Variants in JMJD1C observed in about 807,000 individuals in gnomAD.
JMJD1C encodes jumonji domain-containing protein 1C.
A neutral mutation model predicts 245.3 loss-of-function variants in JMJD1C; 31 were observed. The observed-to-expected ratio is 0.13, with a 90% CI of 0.09 to 0.17. The LOEUF is 0.17. JMJD1C is among the 10% of genes least tolerant of loss of function. The pLI, the probability that JMJD1C is intolerant of heterozygous loss-of-function variation, is 1.00. For synonymous variants in JMJD1C, 1,057 were observed against 1,017.4 expected (o/e 1.04, Z -0.74); for missense variants, 2,691 against 3,000.2 (o/e 0.90, Z 2.41).
intron 1 of JMJD1C, among the ~76,000 whole-genome samples, chr10:63,390,113 TAAAC>T (rs1194755261): frequency 3.3e-5 from 5 of 151,800 alleles, no homozygotes; most frequent in African/African-American, 1.2e-4. Flanking sequence ...TTTGAAGAGA[TAAAC>T]AAAATCAATT....
intron 2 of JMJD1C, among the ~76,000 whole-genome samples, chr10:63,305,454 C>G (rs1037214741): frequency 9.2e-5 from 10 of 108,180 alleles, no homozygotes; most frequent in Non-Finnish European, 1.4e-4. Context: ...GCAAGACGCT[C>G]TGACCCTCTC....
At chr10:63,409,273 C>T (rs1432203184) in intron 1 of JMJD1C, among the ~76,000 whole-genome samples, 1 of 152,158 alleles carries the variant, frequency 6.6e-6, no homozygotes, top group Non-Finnish European at 1.5e-5. Flanking sequence ...AGGGATGGAA[C>T]TGGCAACCAA....
intron 2 of JMJD1C, among the ~76,000 whole-genome samples, chr10:63,311,272 G>A (rs756785051): frequency 5.3e-5 from 8 of 151,504 alleles, no homozygotes; most frequent in South Asian, 4.2e-4. Context: ...CCAGCTACTC[G>A]GGAGACTGAG....
At chr10:63,443,938 T>C (rs941900638) in intron 1 of JMJD1C, among the ~76,000 whole-genome samples, 1 of 152,178 alleles carries the variant, frequency 6.6e-6, no homozygotes, top group Non-Finnish European at 1.5e-5. Context: ...TTTCTAAATA[T>C]ACAACTGTAT....
intron 2 of JMJD1C, among the ~76,000 whole-genome samples, chr10:63,281,460 T>G (rs1166785184): frequency 3.1e-3 from 26 of 8,258 alleles, no homozygotes; most frequent in African/African-American, 0.012. Context: ...CGCCTGGCCT[T>G]TTTTTTTTTT....
Position 63,325,220 on chromosome 10 carries a change from AC to A in JMJD1C, c.333+55097del, listed in dbSNP as rs1941368182. Among the ~76,000 whole-genome samples the A allele has an allele frequency of 7.9e-5, 12 of 152,326 alleles. No homozygotes were observed. The South Asian group carries it at 2.5e-3, about 32-fold the overall frequency. On this transcript the variant is annotated intron_variant, in intron 2 of 25. Transcript: ENST00000399262. ...GCATGGGGATTAACAAATAATACAA[AC>A]TTTTCCTTAGGAAAGCTAAATCAAA...
intron 2 of JMJD1C, among the ~76,000 whole-genome samples, chr10:63,348,011 G>C (rs920220302): frequency 6.6e-6 from 1 of 151,962 alleles, no homozygotes; most frequent in African/African-American, 2.4e-5. Context: ...TCAGGAGTTC[G>C]AGATCAGCCT....
intron 3 of JMJD1C, among the ~76,000 whole-genome samples, chr10:63,225,987 C>CG (rs1446667261): frequency 4.6e-5 from 1 of 21,568 alleles, no homozygotes; most frequent in African/African-American, 7.0e-5. Flanking sequence ...TCTCCCCCAC[C>CG]CCCCCCTTCC....
chr10:63,241,836 C>T lies in JMJD1C; in HGVS notation c.448-21853G>A, dbSNP rs568294788. Among the ~76,000 whole-genome samples, 12 of 152,238 alleles carry T rather than the reference C, an allele frequency of 7.9e-5. No homozygotes were observed. The East Asian group carries it at 2.1e-3, about 27-fold the overall frequency. The stretch of plus-strand genomic sequence containing the variant: ...GTTTTGTTTTGTTCATGGCTGTACC[C>T]TAAATACCTAAAGTAGTACCTGAGA... On this transcript the variant is annotated intron_variant, in intron 3 of 25. Coordinates refer to ENST00000399262, the MANE Select transcript of JMJD1C (RefSeq NM_032776.3).
intron 22 of JMJD1C, 96 bp from the exon 23 acceptor site, chr10:63,177,952 TAGGATC>T: frequency 1.6e-6 from 2 of 1,281,054 alleles, no homozygotes; most frequent in East Asian, 4.8e-5. Flanking sequence ...AGTGCCTGAC[TAGGATC>T]AGTACTTTTT....
At chr10:63,223,304 T>C (rs1438811588) in intron 3 of JMJD1C, among the ~76,000 whole-genome samples, 1 of 150,154 alleles carries the variant, frequency 6.7e-6, no homozygotes, top group African/African-American at 2.4e-5. Flanking sequence ...CTTGACTCAC[T>C]GGAATCTTCG....
intron 1 of JMJD1C, among the ~76,000 whole-genome samples, chr10:63,516,041 G>C (rs1477278739): frequency 6.6e-6 from 1 of 151,764 alleles, no homozygotes; most frequent in East Asian, 1.9e-4. Flanking sequence ...CTATTTTTTT[G>C]TACTTTTATG....
intron 2 of JMJD1C, among the ~76,000 whole-genome samples, chr10:63,307,300 T>C (rs937268837): frequency 8.5e-5 from 13 of 152,244 alleles, no homozygotes; most frequent in Admixed American, 3.3e-4. Context: ...CTAGATATTA[T>C]GCATTTCAGT....
chr10:63,373,450 G>A (rs1946471228), intron 2 of JMJD1C, among the ~76,000 whole-genome samples: 1 of 152,126 alleles, frequency 6.6e-6, no homozygotes, highest in South Asian at 2.1e-4. Flanking sequence ...ATTTGTTTTT[G>A]TCTTGTCATG....
chr10:63,298,204 G>A (rs1460471431), intron 2 of JMJD1C, among the ~76,000 whole-genome samples: 10 of 152,210 alleles, frequency 6.6e-5, no homozygotes, highest in African/African-American at 2.4e-5. Flanking sequence ...CTTGATAGGC[G>A]TGAGATCCAG....
chr10:63,463,364 G>A (rs1347003098), intron 1 of JMJD1C, among the ~76,000 whole-genome samples: 7 of 151,946 alleles, frequency 4.6e-5, no homozygotes, highest in Non-Finnish European at 5.9e-5. Flanking sequence ...ACAGGGTTTC[G>A]CCATGTTGCC....
At chr10:63,191,429 C>T (rs552263256) in intron 16 of JMJD1C, among the ~76,000 whole-genome samples, 1 of 152,224 alleles carries the variant, frequency 6.6e-6, no homozygotes, top group South Asian at 2.1e-4. Context: ...CCATTGTGCG[C>T]AGCCCTTACA....
rs138762582 is a variant in JMJD1C at position 63,436,057 on chromosome 10, G to A, written c.168+29438C>T. ...TATATTCTATCAACAACAGTGCATT[G>A]GAAGGCATTAATATCTATGAAAGAG... On this transcript the variant is annotated intron_variant, in intron 1 of 25. Coordinates refer to ENST00000399262, the MANE Select transcript of JMJD1C (RefSeq NM_032776.3). Among the ~76,000 whole-genome samples, 365 of 152,226 alleles carry A rather than the reference G, an allele frequency of 2.4e-3. 3 individuals carry two copies. In the South Asian group the frequency reaches 0.029, roughly 12 times the overall value.
chr10:63,229,500 T>C (rs1435551652), intron 3 of JMJD1C, among the ~76,000 whole-genome samples: 1 of 152,158 alleles, frequency 6.6e-6, no homozygotes, highest in Non-Finnish European at 1.5e-5. Context: ...ATTTTCTCAT[T>C]CATACAATCA....
Sources: allele counts gnomAD v4.1 joint callset (sites outside exome capture counted in the v4.1 genomes callset), GRCh38; gene constraint gnomAD v4.1.1; transcripts MANE v1.5; gene names NCBI Gene and HGNC (gene_info 2026-07-23, HGNC 2026-07-21).